The following ADGRD1 variants were observed in gnomAD, a reference collection of about 807,000 sequenced individuals.
The protein encoded by ADGRD1 is G-protein coupled receptor 133.
A neutral mutation model predicts 113.4 loss-of-function variants in ADGRD1; 77 were observed. The ratio of observed to expected loss-of-function variants is 0.68; its 90% confidence interval spans 0.57 to 0.82. The LOEUF is 0.82. Ranked by LOEUF, ADGRD1 falls within the 40% of genes least tolerant of loss-of-function variation. ADGRD1 has a pLI of 0.00. For missense variants in ADGRD1, 1,036 were observed against 1,139.1 expected, an observed-to-expected ratio of 0.91 and a Z score of 1.30; for synonymous variants, 474 against 475.0, an observed-to-expected ratio of 1.00 and a Z score of 0.03.
chr12:131,002,668 C>T, intron 9 of ADGRD1: 1 of 1,149,702 alleles, frequency 8.7e-7, no homozygotes, highest in Non-Finnish European at 1.1e-6. Context: ...GGAAAGAGGG[C>T]TCTTGGAGTA....
intron 15 of ADGRD1, among the ~76,000 whole-genome samples, chr12:131,089,965 CAG>C (rs1402264025): frequency 1.3e-5 from 2 of 152,154 alleles, no homozygotes; most frequent in African/African-American, 4.8e-5. Context: ...TTGGCATGGC[CAG>C]AGAGAGGGGG....
rs537520685 is a variant in ADGRD1, at chr12:131,022,658, A to T, written c.1473+8318A>T. On this transcript the variant is annotated intron_variant, in intron 13 of 24. Coordinates refer to ENST00000261654, the MANE Select transcript of ADGRD1 (RefSeq NM_198827.5). The surrounding 1 kb of genome is among the most constrained non-coding windows in gnomAD (Gnocchi z 4.6). ...TTCTGCCTCCTTTGATGCCTCCCTCATTTTCTGAGTCCCTCCTTACATTCA... is the reference window on the plus strand; with the variant it reads ...TTCTGCCTCCTTTGATGCCTCCCTCTTTTTCTGAGTCCCTCCTTACATTCA... 4 of 151,820 alleles carry T rather than the reference A, an allele frequency of 2.6e-5. No homozygotes were observed. Among genetic ancestry groups the T allele is most frequent in the Non-Finnish European group, 5.9e-5 (4 of 67,950 alleles). The allele number at this position is 151,820 out of a possible 1,614,324, so 9.4% of individuals were successfully genotyped here.
intron 17 of ADGRD1, 63 bp downstream of exon 17, chr12:131,105,928 G>A (rs1416269539): frequency 4.1e-6 from 5 of 1,211,282 alleles, no homozygotes; most frequent in Middle Eastern, 1.9e-4. Context: ...ATGTCACCGG[G>A]TGGCACCTTC....
Position 131,118,283 on chromosome 12 carries a change from G to A in ADGRD1, c.2042-102G>A, listed in dbSNP as rs1593244653. ...TAGTTCCCCCTCTGTATACATGTAT[G>A]AGGTGTACAAGGAATGAAGAAAGGA... On this transcript the variant is annotated intron_variant, in intron 18 of 24. Coordinates refer to ENST00000261654, the MANE Select transcript of ADGRD1 (RefSeq NM_198827.5). 3.8e-6 allele frequency: 3 copies of A among 790,354 alleles called. No individual in the cohort carries two copies. The East Asian group carries it at 7.4e-5, about 20-fold the overall frequency. The allele number at this position is 790,354 out of a possible 1,614,324, so 49.0% of individuals were successfully genotyped here.
chr12:131,048,563 G>A (rs1037977270), intron 13 of ADGRD1, among the ~76,000 whole-genome samples: 1 of 152,212 alleles, frequency 6.6e-6, no homozygotes, highest in Non-Finnish European at 1.5e-5. Context: ...GTGATCCGGG[G>A]CTCCATGGAT....
intron 13 of ADGRD1, among the ~76,000 whole-genome samples, chr12:131,072,177 C>T (rs941088): frequency 0.3 from 44,990 of 151,170 alleles, 8,215 homozygotes; most frequent in East Asian, 0.67. Flanking sequence ...CAGGTGTCTG[C>T]GGGCCCCTTT....
intron 13 of ADGRD1, among the ~76,000 whole-genome samples, chr12:131,036,157 TGGAGGGGGTTGTACTCAC>T (rs1881345262): frequency 6.8e-6 from 1 of 147,024 alleles, no homozygotes; most frequent in African/African-American, 2.7e-5. Context: ...TCTTACTCAC[TGGAGGGGGTTGTACTCAC>T]TGGAGGGGGT....
chr12:130,972,131 C>G (rs11061270), intron 4 of ADGRD1, among the ~76,000 whole-genome samples: 12,865 of 152,182 alleles, frequency 0.085, 882 homozygotes, highest in African/African-American at 0.19. Flanking sequence ...GAAAAACTGG[C>G]AATCGACTTG....
At chr12:131,066,345 T>C (rs1884718677) in intron 13 of ADGRD1, among the ~76,000 whole-genome samples, 2 of 152,178 alleles carry the variant, frequency 1.3e-5, no homozygotes, top group Non-Finnish European at 2.9e-5. Flanking sequence ...TGCTGCTCAC[T>C]CCGAGGGGTG....
intron 7 of ADGRD1, 140 bp from the exon 8 acceptor site, chr12:130,992,097 G>GCA (rs1874473446): frequency 3.1e-6 from 2 of 637,478 alleles, no homozygotes; most frequent in Non-Finnish European, 5.3e-6. Flanking sequence ...CTCCAGCCTG[G>GCA]GCAACAGAGC....
At position 131,050,099 on chromosome 12, in the gene ADGRD1, T is replaced by C. The variant is rs543522333; in HGVS notation, c.1474-26702T>C. ...GATTGGATACACGGGGGTCCAGGAA[T>C]GCGTGCAGGAAGCTGGGAATTCAGT... On this transcript the variant is annotated intron_variant, in intron 13 of 24. Coordinates refer to ENST00000261654, the MANE Select transcript of ADGRD1 (RefSeq NM_198827.5). This position sits in a 1 kb window ranked among gnomAD's most constrained non-coding sequence, Gnocchi z 4.8. Among the ~76,000 whole-genome samples, 2 of 152,214 alleles carry C rather than the reference T, an allele frequency of 1.3e-5. No individual in the cohort carries two copies. The highest frequency in any genetic ancestry group is 1.3e-4 in the Admixed American group (2 of 15,296).
intron 14 of ADGRD1, among the ~76,000 whole-genome samples, chr12:131,080,290 G>A (rs1487277435): frequency 6.6e-6 from 1 of 152,142 alleles, no homozygotes; most frequent in African/African-American, 2.4e-5. Flanking sequence ...TTTCCAGAGA[G>A]CTTTCTGCTG....
At chr12:131,131,653 G>A (rs1950931149) in intron 20 of ADGRD1, 72 bp from the exon 21 acceptor site, 3 of 1,082,092 alleles carry the variant, frequency 2.8e-6, no homozygotes, top group Non-Finnish European at 4.2e-6. Context: ...GAGGGCAGTG[G>A]CCAGGCGGAC....
intron 12 of ADGRD1, among the ~76,000 whole-genome samples, chr12:131,011,359 A>G (rs1280786587): frequency 6.6e-6 from 1 of 151,638 alleles, no homozygotes; most frequent in Admixed American, 6.6e-5. Context: ...ACCACTCCAG[A>G]TTTGCTCTCA....
chr12:131,002,879 G>A, intron 9 of ADGRD1: 4 of 1,139,688 alleles, frequency 3.5e-6, no homozygotes, highest in Non-Finnish European at 4.6e-6. Flanking sequence ...CCCTCTGTGA[G>A]TTCAGGGAGG....
At position 130,966,238 on chromosome 12, in the gene ADGRD1, T is replaced by C. The variant is rs1267720990; in HGVS notation, c.104-225T>C. ...GCAACAAGAGGCATCTATTCCTATT[T>C]ACCCTGTTTTGTCCAGTTAAGGAAC... is the stretch of plus-strand genomic sequence containing the variant. On this transcript the variant is annotated intron_variant, in intron 2 of 24. Transcript: ENST00000261654. This position sits in a 1 kb window ranked among gnomAD's most constrained non-coding sequence, Gnocchi z 4.6. Among the ~76,000 whole-genome samples, 2 of 152,222 alleles carry C rather than the reference T, an allele frequency of 1.3e-5. No homozygotes were observed. Among genetic ancestry groups the C allele is most frequent in the African/African-American group, 4.8e-5 (2 of 41,462 alleles).
intron 3 of ADGRD1, chr12:130,967,109 C>A (rs1488585483): frequency 2.3e-6 from 1 of 440,562 alleles, no homozygotes; most frequent in Admixed American, 2.4e-5. Context: ...CATCTGCACA[C>A]TGACCACAGC....
At chr12:131,043,130 G>A (rs1362167292) in intron 13 of ADGRD1, among the ~76,000 whole-genome samples, 1 of 152,224 alleles carries the variant, frequency 6.6e-6, no homozygotes, top group Non-Finnish European at 1.5e-5. Flanking sequence ...TGCAGGGTGG[G>A]GTTGGGAGCG....
At chr12:131,067,259 G>A (rs1884795435) in intron 13 of ADGRD1, among the ~76,000 whole-genome samples, 1 of 152,226 alleles carries the variant, frequency 6.6e-6, no homozygotes. Context: ...AAGCTGCATT[G>A]GTGGTGGTAG....
Sources: gnomAD v4.1 joint callset for allele counts (sites outside exome capture counted in the v4.1 genomes callset) on GRCh38, gnomAD v4.1.1 for gene constraint, Gnocchi (gnomAD v3.1) non-coding constraint, MANE v1.5 for transcripts, NCBI Gene and HGNC (gene_info 2026-07-23, HGNC 2026-07-21) for gene names.